Variants in SULT6B1 observed in about 807,000 individuals in gnomAD.
The protein encoded by SULT6B1 is sulfotransferase family 6B member 1.
In SULT6B1, 44 loss-of-function variants were observed where a neutral mutation model predicts 37.2. That is an observed-to-expected ratio of 1.18 (90% CI 0.93 to 1.52). The LOEUF (loss-of-function observed/expected upper bound fraction) is 1.52. Ranked by LOEUF, SULT6B1 falls within the 40% of genes most tolerant of loss-of-function variation. SULT6B1 has a pLI of 0.00. For missense variants in SULT6B1, 450 were observed against 361.0 expected, an observed-to-expected ratio of 1.25 and a Z score of -2.00; for synonymous variants, 140 against 126.0, an observed-to-expected ratio of 1.11 and a Z score of -0.74.
chr2:37,171,602 T>A lies in SULT6B1; in HGVS notation c.625-12A>T, dbSNP rs746889512. On this transcript the variant is annotated splice_polypyrimidine_tract_variant and intron_variant, in intron 5 of 6. Transcript: ENST00000535679. ...CCAGCAGCCAGATTCTGTAAAAAAA[T>A]TTTCTTAAAGATAAATTTCTTCCTA... The A allele has an allele frequency of 1.2e-6, 2 of 1,608,010 alleles. No homozygotes were observed. The highest frequency in any genetic ancestry group is 1.3e-5 in the African/African-American group (1 of 74,504).
At position 37,179,525 on chromosome 2, in the gene SULT6B1, G is replaced by A. The variant is rs374575090; in HGVS notation, c.462C>T (p.Asn154=). The A allele has an allele frequency of 1.7e-5, 28 of 1,613,772 alleles. No homozygotes were observed. The highest frequency in any genetic ancestry group is 5.3e-5 in the African/African-American group (4 of 74,908). The part of the protein sequence containing the change: ...DTAVSFLHFH[N]DVPDIPSYGS... ...CATAGCTTGGAATATCGGGGACATC[G>A]TTGTGGAAATGCAAAAAAGATACTG... The change falls in exon 4 of 7, where the codon AAC becomes AAT. Residue 154 remains asparagine (N), a synonymous_variant. Coordinates refer to ENST00000535679, the MANE Select transcript of SULT6B1 (RefSeq NM_001367551.1).
In SULT6B1 at chr2:37,179,698, T is replaced by C. The variant is rs1676509304; in HGVS notation, c.403-114A>G. The C allele has an allele frequency of 3.2e-6, 3 of 934,924 alleles. No individual in the cohort carries two copies. The South Asian group carries it at 5.4e-5, about 17-fold the overall frequency. The allele number at this position is 934,924 out of a possible 1,614,324, so 57.9% of individuals were successfully genotyped here. A position where few individuals can be genotyped will look rare whatever the true frequency, so the allele number is the denominator to read the frequency against. On this transcript the variant is annotated intron_variant, in intron 3 of 6. Transcript: ENST00000535679. The stretch of plus-strand genomic sequence containing the variant: ...CGTATATTACATAATTGTGTTAATA[T>C]ATAGAGAAAGAATGACAGTAGGAAA...
chr2:37,193,582 A>AAGAAG (rs1558454824), upstream of SULT6B1, among the ~76,000 whole-genome samples: 47 of 125,416 alleles, frequency 3.7e-4, no homozygotes, highest in East Asian at 2.2e-3. Flanking sequence ...AAAAGAAGAA[A>AAGAAG]AAGAAGAAGA....
intron 4 of SULT6B1, among the ~76,000 whole-genome samples, chr2:37,175,439 A>G (rs1268077466): frequency 6.6e-6 from 1 of 152,206 alleles, no homozygotes; most frequent in African/African-American, 2.4e-5. Context: ...CATTTTTCAT[A>G]AATAACACAA....
chr2:37,179,653 G>T, intron 3 of SULT6B1, 69 bp from the exon 4 acceptor site: 1 of 1,396,364 alleles, frequency 7.2e-7, no homozygotes, highest in Non-Finnish European at 1.0e-6. Context: ...AAAAGGGTGA[G>T]CAATATCATC....
upstream of SULT6B1, among the ~76,000 whole-genome samples, chr2:37,193,133 C>T (rs898530146): frequency 6.6e-6 from 1 of 152,114 alleles, no homozygotes; most frequent in Non-Finnish European, 1.5e-5. Context: ...GCTCAAGCCC[C>T]AGAGGCAGCT....
Position 37,188,499 on chromosome 2 carries a change from G to C in SULT6B1, c.142C>G (p.Leu48Val). 1 of 1,614,228 alleles carries C rather than the reference G, an allele frequency of 6.2e-7. No homozygotes were observed. The highest frequency in any genetic ancestry group is 8.5e-7 in the Non-Finnish European group (1 of 1,180,024). ...TMCTSETFQA[L>V]DTFEARHDDI... ...TCATGTCTGGCTTCGAAGGTGTCCA[G>C]CGCTTGGAAAGTTTCTGAGGTGCAC... Residue 48 changes from leucine (L) to valine (V), a missense_variant, in exon 1 of 7, where the codon CTG becomes GTG. By Grantham distance (32) the Leu-to-Val change is conservative (BLOSUM62 1). Coordinates refer to ENST00000535679, the MANE Select transcript of SULT6B1 (RefSeq NM_001367551.1).
intron 5 of SULT6B1, among the ~76,000 whole-genome samples, chr2:37,172,817 C>A (rs550448412): frequency 6.1e-5 from 7 of 115,406 alleles, no homozygotes; most frequent in African/African-American, 2.0e-4. Context: ...CTAAACCATA[C>A]ATTTGCTTGT....
intron 1 of SULT6B1, among the ~76,000 whole-genome samples, chr2:37,194,897 T>TTTCCTTCCTTCCTTCCTTCC (rs376397934): frequency 1.5e-5 from 1 of 68,552 alleles, no homozygotes. Context: ...TCCTTCCTTC[T>TTTCCTTCCTTCCTTCCTTCC]TTCCTTCCTT....
intron 5 of SULT6B1, among the ~76,000 whole-genome samples, chr2:37,174,101 G>A (rs1676362444): frequency 6.6e-6 from 1 of 151,866 alleles, no homozygotes; most frequent in South Asian, 2.1e-4. Context: ...CCCAGCTTTT[G>A]CTCCAGTTGA....
At chr2:37,183,605 T>C (rs902606112) in intron 2 of SULT6B1, 91 bp from the exon 3 acceptor site, 1 of 961,736 alleles carries the variant, frequency 1.0e-6, no homozygotes, top group Non-Finnish European at 1.6e-6. Flanking sequence ...ATCTAAGTGA[T>C]AGTTTCTAGC....
At chr2:37,175,391 A>G (rs1402771114) in intron 4 of SULT6B1, among the ~76,000 whole-genome samples, 165 bp from the exon 5 acceptor site, 1 of 152,174 alleles carries the variant, frequency 6.6e-6, no homozygotes, top group Non-Finnish European at 1.5e-5. Context: ...AATCAGTCCC[A>G]TTGTCTAAAT....
At chr2:37,188,793 A>G (rs1676727495), upstream of SULT6B1, among the ~76,000 whole-genome samples, 2 of 152,176 alleles carry the variant, frequency 1.3e-5, no homozygotes. Flanking sequence ...ACTATTACAT[A>G]TCCTCCTGGG....
chr2:37,187,418 A>T lies in SULT6B1; in HGVS notation c.249T>A (p.Ser83=). ...HIVSELIYAV[S]KKKYKYPEFP... ...ATTCTGGATATTTATACTTTTTTTT[A>T]GAAACAGCATATATTAATTCACTGA... is the stretch of plus-strand genomic sequence containing the variant. The change falls in exon 2 of 7, where the codon TCT becomes TCA. Residue 83 remains serine, a synonymous_variant. Coordinates refer to ENST00000535679, the MANE Select transcript of SULT6B1 (RefSeq NM_001367551.1). 6.2e-7 allele frequency: 1 copy of T among 1,608,596 alleles called. No individual in the cohort carries two copies. The highest frequency in any genetic ancestry group is 8.5e-7 in the Non-Finnish European group (1 of 1,176,418).
At chr2:37,191,478 C>T (rs72792810), upstream of SULT6B1, among the ~76,000 whole-genome samples, 5,043 of 152,240 alleles carry the variant, frequency 0.033, 129 homozygotes, top group Admixed American at 0.05. Context: ...CTGCTGCTTT[C>T]CATTGTGTGG....
chr2:37,189,029 T>C (rs1676731840), upstream of SULT6B1, among the ~76,000 whole-genome samples: 1 of 152,202 alleles, frequency 6.6e-6, no homozygotes, highest in African/African-American at 2.4e-5. Flanking sequence ...GGTTGATAGA[T>C]TTCCACACAT....
At chr2:37,169,633 C>A (rs568382268) in intron 6 of SULT6B1, among the ~76,000 whole-genome samples, 5 of 152,046 alleles carry the variant, frequency 3.3e-5, no homozygotes, top group African/African-American at 1.2e-4. Context: ...GAATTACAGG[C>A]GCCCGCCACC....
chr2:37,169,421 G>A (rs572318501), intron 6 of SULT6B1, among the ~76,000 whole-genome samples: 2 of 152,256 alleles, frequency 1.3e-5, no homozygotes, highest in East Asian at 3.9e-4. Flanking sequence ...CCTGAGCTTT[G>A]ATTCCTACAT....
In SULT6B1 at chr2:37,194,386, CTG is replaced by C. The variant is rs1486623878; in HGVS notation, c.-22+2128_-22+2129del. 2.6e-5 allele frequency: 10 copies of C among 383,872 alleles called. 1 individual carries two copies. Among genetic ancestry groups the C allele is most frequent in the South Asian group, 4.3e-5 (2 of 46,368 alleles). 23.8% of individuals were successfully genotyped at this position (383,872 alleles called of 1,614,324 possible). ...TGAGCCACCGTGCCTGGCTGACTAT[CTG>C]TAGATTTTTGAAAGTGGTAACAGGT... On this transcript the variant is annotated intron_variant, in intron 1 of 7. Transcript: ENST00000407963.
Sources: gnomAD v4.1 joint callset for allele counts (sites outside exome capture counted in the v4.1 genomes callset) on GRCh38, gnomAD v4.1.1 for gene constraint, MANE v1.5 for transcripts, NCBI Gene and HGNC (gene_info 2026-07-23, HGNC 2026-07-21) for gene names.